PTH2R: variants seen among roughly 807,000 people sequenced by gnomAD.
PTH2R encodes parathyroid hormone 2 receptor.
A neutral mutation model predicts 60.3 loss-of-function variants in PTH2R; 59 were observed. The observed-to-expected ratio is 0.98, with a 90% CI of 0.79 to 1.22. PTH2R has a LOEUF of 1.22. Among genes scored for constraint, PTH2R ranks in the 50% most tolerant of loss-of-function variants. The probability of loss-of-function intolerance (pLI) is 0.00; values close to 1 mark genes in which losing one functional copy is unlikely to be tolerated. For missense variants in PTH2R, 749 were observed against 682.6 expected, an observed-to-expected ratio of 1.10 and a Z score of -1.08; for synonymous variants, 256 against 243.8, an observed-to-expected ratio of 1.05 and a Z score of -0.47.
chr2:208,360,879 C>T (rs373992320), intron 1 of PTH2R: 2 of 187,432 alleles, frequency 1.1e-5, no homozygotes, highest in South Asian at 1.1e-4. Flanking sequence ...AGGTGCCGGC[C>T]GCTCCTCCAC....
At chr2:208,452,767 A>G (rs1702431468) in intron 8 of PTH2R, among the ~76,000 whole-genome samples, 1 of 152,230 alleles carries the variant, frequency 6.6e-6, no homozygotes, top group African/African-American at 2.4e-5. Context: ...CAGGTACTTC[A>G]TAATTTTGCA....
At chr2:208,460,209 G>A (rs186886461) in intron 9 of PTH2R, among the ~76,000 whole-genome samples, 27 of 152,156 alleles carry the variant, frequency 1.8e-4, no homozygotes, top group Admixed American at 7.2e-4. Flanking sequence ...AAATATCTAT[G>A]AGCATTTATA....
At chr2:208,432,534 G>C (rs1701992867) in intron 2 of PTH2R, among the ~76,000 whole-genome samples, 1 of 152,174 alleles carries the variant, frequency 6.6e-6, no homozygotes, top group Non-Finnish European at 1.5e-5. Flanking sequence ...AGAACTAATA[G>C]GATATAAGTA....
rs1196736868 is a variant in PTH2R at position 208,492,984 on chromosome 2, C to T, written c.1258-280C>T. Reference sequence around the variant, plus strand: ...CTCCTTTTTTTCCTCTCCCATATGTCAGGTATTTCTATGGGCTGCATTTAA... The same window carrying T: ...CTCCTTTTTTTCCTCTCCCATATGTTAGGTATTTCTATGGGCTGCATTTAA... On this transcript the variant is annotated intron_variant, in intron 12 of 12. Coordinates refer to ENST00000272847, the MANE Select transcript of PTH2R (RefSeq NM_005048.4). Among the ~76,000 whole-genome samples the T allele has an allele frequency of 2.0e-5, 3 of 152,078 alleles. No homozygotes were observed. In the East Asian group the frequency reaches 5.8e-4, roughly 29 times the overall value.
intron 1 of PTH2R, among the ~76,000 whole-genome samples, chr2:208,373,287 G>T (rs924337023): frequency 2.0e-5 from 3 of 151,984 alleles, no homozygotes; most frequent in African/African-American, 4.8e-5. Context: ...CCTATTGAAA[G>T]AATTTTTTTC....
rs1156645552 is a variant in PTH2R at position 208,406,853 on chromosome 2, C to G, written c.-191C>G. 1 of 414,076 alleles carries G rather than the reference C, an allele frequency of 2.4e-6. No homozygotes were observed. Among genetic ancestry groups the G allele is most frequent in the Non-Finnish European group, 4.2e-6 (1 of 235,836 alleles). The allele number at this position is 414,076 out of a possible 1,614,324, so 25.7% of individuals were successfully genotyped here. A position where few individuals can be genotyped will look rare whatever the true frequency, so the allele number is the denominator to read the frequency against. On this transcript the variant is annotated 5_prime_UTR_variant, in exon 1 of 13. Transcript: ENST00000272847. ...CCTCGCGCCGCGGCGCAGCAGCACG[C>G]GGGTTCTGAGAAGCGCGTGGCTCCG...
chr2:208,413,217 A>C (rs1701576806), intron 1 of PTH2R, among the ~76,000 whole-genome samples: 1 of 152,132 alleles, frequency 6.6e-6, no homozygotes, highest in African/African-American at 2.4e-5. Context: ...GAACTCATTA[A>C]ATTATATTAC....
chr2:208,437,005 A>G (rs1702088314), intron 2 of PTH2R, among the ~76,000 whole-genome samples: 1 of 152,146 alleles, frequency 6.6e-6, no homozygotes, highest in Admixed American at 6.5e-5. Context: ...AGAAGTGATG[A>G]AGTTCTGGAT....
chr2:208,417,875 G>T, intron 1 of PTH2R, among the ~76,000 whole-genome samples: 1 of 152,094 alleles, frequency 6.6e-6, no homozygotes, highest in East Asian at 1.9e-4. Flanking sequence ...GATCAGTCTT[G>T]CTTATCATTG....
intron 1 of PTH2R, among the ~76,000 whole-genome samples, chr2:208,381,570 G>GA (rs1384323831): frequency 6.6e-6 from 1 of 152,078 alleles, no homozygotes; most frequent in Non-Finnish European, 1.5e-5. Flanking sequence ...TTATAGACCT[G>GA]AGCCATGGTG....
intron 1 of PTH2R, chr2:208,360,529 G>A (rs760864833): frequency 1.4e-4 from 22 of 157,382 alleles, no homozygotes; most frequent in South Asian, 1.7e-4. Flanking sequence ...GGGCCCTGCC[G>A]CCCTCTCGCT....
At chr2:208,433,742 CA>C (rs1228511010) in intron 2 of PTH2R, among the ~76,000 whole-genome samples, 2 of 151,988 alleles carry the variant, frequency 1.3e-5, no homozygotes, top group Non-Finnish European at 2.9e-5. Flanking sequence ...ATTATTGATC[CA>C]AAATATTATT....
At chr2:208,446,713 C>CTAAA (rs1702294466) in intron 7 of PTH2R, among the ~76,000 whole-genome samples, 1 of 152,134 alleles carries the variant, frequency 6.6e-6, no homozygotes, top group Non-Finnish European at 1.5e-5. Context: ...TTCTCTGCTC[C>CTAAA]TAAAACACAG....
chr2:208,390,416 A>G (rs1010877690), intron 1 of PTH2R, among the ~76,000 whole-genome samples: 7 of 152,240 alleles, frequency 4.6e-5, no homozygotes, highest in African/African-American at 1.7e-4. Context: ...GGGAACCCCA[A>G]GACGATGAGT....
Position 208,408,766 on chromosome 2 carries a change from A to AGAGAGAGAGAGAGAGAGAG in PTH2R, c.75+1648_75+1649insGAGAGAGAGAGAGAGAGAG, listed in dbSNP as rs58836876. Among the ~76,000 whole-genome samples the AGAGAGAGAGAGAGAGAGAG allele has an allele frequency of 4.5e-4, 49 of 109,558 alleles. 1 individual carries two copies. Among genetic ancestry groups the AGAGAGAGAGAGAGAGAGAG allele is most frequent in the African/African-American group, 2.2e-3 (46 of 21,178 alleles). 71.9% of individuals were successfully genotyped at this position (109,558 alleles called of 152,430 possible). ...AGAGAGAGAGAGAGAGAGAGAGAGA[A>AGAGAGAGAGAGAGAGAGAG]ATAAATAATAAATAAATCACCATGG... On this transcript the variant is annotated intron_variant, in intron 1 of 12. Coordinates refer to ENST00000272847, the MANE Select transcript of PTH2R (RefSeq NM_005048.4).
chr2:208,436,241 C>T (rs769528418), intron 2 of PTH2R, among the ~76,000 whole-genome samples: 14 of 151,728 alleles, frequency 9.2e-5, no homozygotes, highest in Admixed American at 2.0e-4. Context: ...TTTAGATAAG[C>T]GTGTTTACTC....
chr2:208,482,692 C>G (rs932879860), intron 10 of PTH2R, among the ~76,000 whole-genome samples: 1 of 152,150 alleles, frequency 6.6e-6, no homozygotes, highest in East Asian at 1.9e-4. Flanking sequence ...GCTAGACAAC[C>G]GGTTAGACCA....
At chr2:208,479,677 A>G (rs963723937) in intron 9 of PTH2R, among the ~76,000 whole-genome samples, 2 of 152,016 alleles carry the variant, frequency 1.3e-5, no homozygotes, top group Non-Finnish European at 2.9e-5. Context: ...GAAATCCTCA[A>G]CTCTCATGTT....
intron 9 of PTH2R, among the ~76,000 whole-genome samples, chr2:208,460,193 A>G (rs1016218982): frequency 6.6e-6 from 1 of 152,040 alleles, no homozygotes; most frequent in African/African-American, 2.4e-5. Context: ...CAATTCCGAG[A>G]CTTCAAAATA....
Sources: gnomAD v4.1 joint callset for allele counts (sites outside exome capture counted in the v4.1 genomes callset) on GRCh38, gnomAD v4.1.1 for gene constraint, MANE v1.5 for transcripts, NCBI Gene and HGNC (gene_info 2026-07-23, HGNC 2026-07-21) for gene names.